HTT: variants seen among roughly 807,000 people sequenced by gnomAD.
The protein encoded by HTT is huntington disease protein.
HTT carries 104 observed loss-of-function variants against 362.3 expected under a neutral mutation model. The ratio of observed to expected loss-of-function variants is 0.29; its 90% confidence interval spans 0.24 to 0.34. The LOEUF is 0.34. Ranked by LOEUF, HTT falls within the 10% of genes least tolerant of loss-of-function variation. The pLI is 1.00. For missense variants in HTT, 3,301 were observed against 3,928.6 expected (o/e 0.84, Z 4.27); for synonymous variants, 1,577 against 1,548.7 (o/e 1.02, Z -0.43).
At chr4:3,180,084 A>T (rs987891686) in intron 35 of HTT, among the ~76,000 whole-genome samples, 1 of 152,156 alleles carries the variant, frequency 6.6e-6, no homozygotes, top group Non-Finnish European at 1.5e-5. Flanking sequence ...GAGTTTACTT[A>T]AAAAAGCATA....
chr4:3,231,831 C>T (rs1721269283), intron 60 of HTT, among the ~76,000 whole-genome samples: 1 of 152,122 alleles, frequency 6.6e-6, no homozygotes. Flanking sequence ...GTGCTCAGGC[C>T]CAGATCCCCC....
intron 12 of HTT, 53 bp from the exon 13 acceptor site, chr4:3,129,871 G>A: frequency 1.2e-6 from 2 of 1,612,440 alleles, no homozygotes; most frequent in Non-Finnish European, 1.7e-6. Flanking sequence ...TGGAGGGCTT[G>A]TCTCTTGGTG....
intron 61 of HTT, 63 bp from the exon 62 acceptor site, chr4:3,235,221 C>T (rs1423059267): frequency 1.2e-5 from 14 of 1,156,004 alleles, no homozygotes; most frequent in Admixed American, 5.1e-5. Flanking sequence ...GCCGGACATG[C>T]TGTGAAGCCC....
intron 21 of HTT, among the ~76,000 whole-genome samples, chr4:3,136,626 C>T (rs1443780670): frequency 6.6e-6 from 1 of 151,886 alleles, no homozygotes; most frequent in African/African-American, 2.4e-5. Context: ...AATTCTGCTG[C>T]CACCTGGAGG....
intron 41 of HTT, among the ~76,000 whole-genome samples, chr4:3,202,197 C>T (rs916295064): frequency 6.6e-6 from 1 of 152,154 alleles, no homozygotes; most frequent in African/African-American, 2.4e-5. Context: ...TTGGTCACTT[C>T]CCAGCTCATC....
intron 12 of HTT, chr4:3,129,214 C>T (rs981430394): frequency 6.6e-6 from 1 of 152,162 alleles, no homozygotes; most frequent in Non-Finnish European, 1.5e-5. Context: ...CTGTTATGAA[C>T]GTGGGTGTAC....
intron 12 of HTT, 67 bp from the exon 13 acceptor site, chr4:3,129,857 A>G (rs1715717922): frequency 2.5e-6 from 4 of 1,598,890 alleles, no homozygotes; most frequent in East Asian, 2.2e-5. Context: ...TTGCACTTCC[A>G]TGTTGGAGGG....
At position 3,075,099 on chromosome 4, in the gene HTT, G is replaced by T; in HGVS notation, c.263+11G>T. 8.1e-7 allele frequency: 1 copy of T among 1,229,216 alleles called. No individual in the cohort carries two copies. The allele number at this position is 1,229,216 out of a possible 1,614,324, so 76.1% of individuals were successfully genotyped here. A position where few individuals can be genotyped will look rare whatever the true frequency, so the allele number is the denominator to read the frequency against. On this transcript the variant is annotated intron_variant, in intron 1 of 66. Transcript: ENST00000355072. ...GCCGCTGCACCGACCGTGAGTTTGG[G>T]CCCGCTGCAGCTCCCTGTCCCGGCG... is the stretch of plus-strand genomic sequence containing the variant.
chr4:3,230,364 A>G (rs1721193230), intron 60 of HTT, among the ~76,000 whole-genome samples: 1 of 152,060 alleles, frequency 6.6e-6, no homozygotes, highest in Non-Finnish European at 1.5e-5. Context: ...GGCATCGTAG[A>G]TGGTGGAAAT....
Position 3,228,562 on chromosome 4 carries a change from A to G in HTT, c.7849-53A>G, listed in dbSNP as rs1267414753. ...GTCCCAGTGGCCACACCCACCCACC[A>G]GGAGCCTGGCACTGTGGCCGCAGCA... On this transcript the variant is annotated intron_variant, in intron 57 of 66. Transcript: ENST00000355072. The surrounding 1 kb of genome is among the most constrained non-coding windows in gnomAD (Gnocchi z 4.3). The G allele has an allele frequency of 3.3e-6, 5 of 1,510,464 alleles. No homozygotes were observed. Among genetic ancestry groups the G allele is most frequent in the Non-Finnish European group, 4.4e-6 (5 of 1,129,524 alleles). 93.6% of individuals were successfully genotyped at this position (1,510,464 alleles called of 1,614,324 possible). A position where few individuals can be genotyped will look rare whatever the true frequency, so the allele number is the denominator to read the frequency against.
intron 22 of HTT, 128 bp from the exon 23 acceptor site, chr4:3,142,638 C>A: frequency 2.0e-6 from 1 of 504,826 alleles, no homozygotes; most frequent in South Asian, 2.9e-5. Flanking sequence ...ATTTTCAGCC[C>A]GTTTCACTTA....
chr4:3,101,521 G>A lies in HTT; in HGVS notation c.468+2127G>A, dbSNP rs766167720. Among the ~76,000 whole-genome samples the A allele has an allele frequency of 2.6e-5, 4 of 152,362 alleles. No individual in the cohort carries two copies. In the East Asian group the frequency reaches 5.8e-4, roughly 22 times the overall value. The stretch of plus-strand genomic sequence containing the variant: ...AGTAGGGGGAGGCGTGGGAGAGCAC[G>A]TGTGACCCCAGGCCAGCTGTAGGGA... On this transcript the variant is annotated intron_variant, in intron 3 of 66. Transcript: ENST00000355072.
At chr4:3,115,596 C>T (rs1056482724) in intron 7 of HTT, 151 bp downstream of exon 7, 22 of 649,778 alleles carry the variant, frequency 3.4e-5, no homozygotes, top group Middle Eastern at 4.2e-4. Flanking sequence ...TGCTGTGAGC[C>T]CGCATGGGTC....
chr4:3,229,801 C>A, intron 59 of HTT, 86 bp from the exon 60 acceptor site: 2 of 1,405,884 alleles, frequency 1.4e-6, no homozygotes, highest in Non-Finnish European at 2.0e-6. Context: ...AAGAACACGA[C>A]TTGCCAGTAG....
chr4:3,184,517 A>G (rs2298969), intron 37 of HTT, among the ~76,000 whole-genome samples: 83,454 of 151,934 alleles, frequency 0.55, 23,642 homozygotes, highest in African/African-American at 0.67. Context: ...GGCCCAAGTC[A>G]GCATCCCTTG....
At chr4:3,205,699 G>A (rs1265005682) in intron 42 of HTT, among the ~76,000 whole-genome samples, 1 of 152,044 alleles carries the variant, frequency 6.6e-6, no homozygotes, top group Admixed American at 6.5e-5. Flanking sequence ...CAACAAATAA[G>A]TATAATGCAC....
At chr4:3,143,337 T>A (rs1469672291) in intron 23 of HTT, among the ~76,000 whole-genome samples, 6 of 147,386 alleles carry the variant, frequency 4.1e-5, no homozygotes, top group African/African-American at 1.3e-4. Context: ...CTCAGGAGGC[T>A]GAGGCAGGAG....
intron 6 of HTT, among the ~76,000 whole-genome samples, chr4:3,113,288 T>C (rs191009223): frequency 6.6e-6 from 1 of 152,330 alleles, no homozygotes; most frequent in African/African-American, 2.4e-5. Context: ...ATCATAATAA[T>C]GAGTAGCTCT....
At chr4:3,086,152 G>A (rs751705956) in intron 1 of HTT, among the ~76,000 whole-genome samples, 4 of 152,184 alleles carry the variant, frequency 2.6e-5, no homozygotes, top group Non-Finnish European at 5.9e-5. Context: ...CTGTACTGCT[G>A]AGAAAGAAAG....
Sources: gnomAD v4.1 joint callset for allele counts (sites outside exome capture counted in the v4.1 genomes callset) on GRCh38, gnomAD v4.1.1 for gene constraint, Gnocchi (gnomAD v3.1) non-coding constraint, MANE v1.5 for transcripts, NCBI Gene and HGNC (gene_info 2026-07-23, HGNC 2026-07-21) for gene names.